The following SH3GL2 variants were observed in gnomAD, a reference collection of about 807,000 sequenced individuals.
The protein encoded by SH3GL2 is endophilin-A1.
SH3GL2 carries 24 observed loss-of-function variants against 46.0 expected under a neutral mutation model. The observed-to-expected ratio is 0.52, with a 90% CI of 0.38 to 0.73. SH3GL2 has a LOEUF of 0.73. Ranked by LOEUF, SH3GL2 falls within the 30% of genes least tolerant of loss-of-function variation. The pLI is 0.00. For synonymous variants in SH3GL2, 196 were observed against 147.1 expected, an observed-to-expected ratio of 1.33 and a Z score of -2.40; for missense variants, 413 against 424.2, an observed-to-expected ratio of 0.97 and a Z score of 0.23.
intron 2 of SH3GL2, among the ~76,000 whole-genome samples, chr9:17,750,043 C>G (rs917352607): frequency 2.0e-5 from 3 of 152,060 alleles, no homozygotes; most frequent in African/African-American, 7.2e-5. Context: ...CTTTTTGATT[C>G]TGTATATCTT....
chr9:17,712,121 G>T (rs999018987), intron 1 of SH3GL2, among the ~76,000 whole-genome samples: 5 of 151,648 alleles, frequency 3.3e-5, no homozygotes, highest in African/African-American at 7.3e-5. Flanking sequence ...CTTTGATGAT[G>T]TATCTGTTCA....
intron 1 of SH3GL2, among the ~76,000 whole-genome samples, chr9:17,738,575 T>TAGAG (rs142654925): frequency 0.11 from 12,422 of 108,116 alleles, 992 homozygotes; most frequent in Admixed American, 0.21. Context: ...CATATATATA[T>TAGAG]AGAGAGAGAG....
At chr9:17,700,411 C>G (rs1821318775) in intron 1 of SH3GL2, among the ~76,000 whole-genome samples, 1 of 152,280 alleles carries the variant, frequency 6.6e-6, no homozygotes, top group African/African-American at 2.4e-5. Context: ...AAGCAATACC[C>G]TAAGACTCAG....
At chr9:17,714,389 A>C (rs916406286) in intron 1 of SH3GL2, among the ~76,000 whole-genome samples, 2 of 151,760 alleles carry the variant, frequency 1.3e-5, no homozygotes, top group Admixed American at 1.3e-4. Context: ...GGTTTAAACC[A>C]GTCATCTTGT....
chr9:17,687,218 T>C (rs76752220), intron 1 of SH3GL2, among the ~76,000 whole-genome samples: 4 of 151,302 alleles, frequency 2.6e-5, no homozygotes, highest in Non-Finnish European at 2.9e-5. Flanking sequence ...AAATTTTGAG[T>C]TTTTTTCAAT....
intron 1 of SH3GL2, among the ~76,000 whole-genome samples, chr9:17,690,753 A>G (rs1287366797): frequency 6.6e-6 from 1 of 152,274 alleles, no homozygotes; most frequent in South Asian, 2.1e-4. Flanking sequence ...AGGGGCACCT[A>G]TGTGAATAAA....
At chr9:17,749,960 G>A (rs770024857) in intron 2 of SH3GL2, among the ~76,000 whole-genome samples, 34 of 152,136 alleles carry the variant, frequency 2.2e-4, no homozygotes, top group Non-Finnish European at 4.0e-4. Context: ...CACACTCATG[G>A]CTCTTTACTT....
chr9:17,749,271 C>G (rs559229463), intron 2 of SH3GL2, among the ~76,000 whole-genome samples: 2 of 152,302 alleles, frequency 1.3e-5, no homozygotes, highest in South Asian at 4.1e-4. Flanking sequence ...CATTCATCTT[C>G]TACGGCATCT....
rs149699780 is a variant in SH3GL2 at position 17,795,170 on chromosome 9, A to T, written c.860-374A>T. On this transcript the variant is annotated intron_variant, in intron 8 of 8. Coordinates refer to ENST00000380607, the MANE Select transcript of SH3GL2 (RefSeq NM_003026.5). Reference sequence around the variant, plus strand: ...AGAATTCTTGCCATGCTGTGTTATTAACCTACATCATTATATTCTTCTTAA... The same window carrying T: ...AGAATTCTTGCCATGCTGTGTTATTTACCTACATCATTATATTCTTCTTAA... Among the ~76,000 whole-genome samples the T allele has an allele frequency of 4.7e-3, 715 of 152,334 alleles. 7 individuals carry two copies. The highest frequency in any genetic ancestry group is 0.037 in the Middle Eastern group (11 of 294).
At chr9:17,749,694 G>T (rs1459497809) in intron 2 of SH3GL2, among the ~76,000 whole-genome samples, 1 of 152,156 alleles carries the variant, frequency 6.6e-6, no homozygotes, top group Non-Finnish European at 1.5e-5. Flanking sequence ...GAACTGAGTA[G>T]AATTTATCAC....
chr9:17,649,952 A>G (rs565456748), intron 1 of SH3GL2, among the ~76,000 whole-genome samples: 75 of 152,348 alleles, frequency 4.9e-4, no homozygotes, highest in African/African-American at 1.7e-3. Flanking sequence ...AAAAAAGTAT[A>G]GAATGGCTCA....
chr9:17,661,944 G>A (rs1478493585), intron 1 of SH3GL2, among the ~76,000 whole-genome samples: 1 of 152,102 alleles, frequency 6.6e-6, no homozygotes, highest in Non-Finnish European at 1.5e-5. Flanking sequence ...TGATTTTACT[G>A]CTGTCTTTTG....
intron 3 of SH3GL2, among the ~76,000 whole-genome samples, chr9:17,781,717 G>GT (rs1375472672): frequency 6.6e-6 from 1 of 152,064 alleles, no homozygotes; most frequent in Non-Finnish European, 1.5e-5. Context: ...CTGAACACTT[G>GT]ATCTATCTCT....
chr9:17,599,761 T>C (rs1361742045), intron 1 of SH3GL2, among the ~76,000 whole-genome samples: 2 of 152,198 alleles, frequency 1.3e-5, no homozygotes, highest in African/African-American at 4.8e-5. Context: ...TTCTTTTGGA[T>C]GGGTGGTGAT....
At chr9:17,742,584 C>G (rs780357895) in intron 1 of SH3GL2, among the ~76,000 whole-genome samples, 1 of 152,156 alleles carries the variant, frequency 6.6e-6, no homozygotes, top group Admixed American at 6.5e-5. Flanking sequence ...TATGCTACCT[C>G]TAAGTCATCT....
Position 17,683,194 on chromosome 9 carries a change from C to G in SH3GL2, c.46-63872C>G, listed in dbSNP as rs1326206835. 2.6e-5 allele frequency among the ~76,000 whole-genome samples: 4 copies of G among 152,040 alleles called. 1 individual carries two copies. The highest frequency in any genetic ancestry group is 4.1e-4 in the South Asian group (2 of 4,828). ...TTTAAGTACTAAAAGCTGAATGTAT[C>G]TCAGCATGGGACCTGCAGCTGCAAG... is the stretch of plus-strand genomic sequence containing the variant. On this transcript the variant is annotated intron_variant, in intron 1 of 8. Coordinates refer to ENST00000380607, the MANE Select transcript of SH3GL2 (RefSeq NM_003026.5).
At chr9:17,653,311 T>C (rs1005078996) in intron 1 of SH3GL2, among the ~76,000 whole-genome samples, 2 of 152,134 alleles carry the variant, frequency 1.3e-5, no homozygotes, top group African/African-American at 4.8e-5. Context: ...TTCTGGGAAA[T>C]ATTTGACTGT....
intron 1 of SH3GL2, among the ~76,000 whole-genome samples, chr9:17,710,734 C>T (rs1417736635): frequency 6.6e-6 from 1 of 151,734 alleles, no homozygotes; most frequent in Non-Finnish European, 1.5e-5. Context: ...TTGACATATC[C>T]TACAATAGGG....
chr9:17,793,842 C>T (rs1824200776), intron 8 of SH3GL2, among the ~76,000 whole-genome samples: 1 of 152,230 alleles, frequency 6.6e-6, no homozygotes, highest in Non-Finnish European at 1.5e-5. Context: ...CATCTTTTCT[C>T]CTGCGTGTTC....
Sources: gnomAD v4.1 joint callset for allele counts (sites outside exome capture counted in the v4.1 genomes callset) on GRCh38, gnomAD v4.1.1 for gene constraint, MANE v1.5 for transcripts, NCBI Gene and HGNC (gene_info 2026-07-23, HGNC 2026-07-21) for gene names.